ARHGAP15: variants seen among roughly 807,000 people sequenced by gnomAD.
ARHGAP15 encodes the protein Rho GTPase activating protein 15.
In ARHGAP15, 51 loss-of-function variants were observed where a neutral mutation model predicts 63.7. That is an observed-to-expected ratio of 0.80 (90% CI 0.64 to 1.01). ARHGAP15 has a LOEUF of 1.01. ARHGAP15 is among the 50% of genes least tolerant of loss of function. The pLI is 0.00. For missense variants in ARHGAP15, 560 were observed against 564.6 expected (o/e 0.99, Z 0.08); for synonymous variants, 191 against 193.8 (o/e 0.99, Z 0.12).
At chr2:143,587,631 C>T (rs751522205) in intron 11 of ARHGAP15, 1 of 424,204 alleles carries the variant, frequency 2.4e-6, no homozygotes, top group Non-Finnish European at 4.9e-6. Flanking sequence ...TGGCTTTTCC[C>T]TTCCCATAAT....
At chr2:143,377,233 A>G (rs1686855140) in intron 6 of ARHGAP15, among the ~76,000 whole-genome samples, 1 of 152,072 alleles carries the variant, frequency 6.6e-6, no homozygotes, top group Admixed American at 6.6e-5. Context: ...ATACTGTACA[A>G]GAGAATTTTT....
At chr2:143,240,212 A>T (rs1285807094) in intron 5 of ARHGAP15, among the ~76,000 whole-genome samples, 1 of 151,666 alleles carries the variant, frequency 6.6e-6, no homozygotes, top group African/African-American at 2.4e-5. Flanking sequence ...AATAAAATAA[A>T]TAATAATTTA....
chr2:143,251,359 T>C (rs778137631), intron 6 of ARHGAP15, among the ~76,000 whole-genome samples: 14 of 152,038 alleles, frequency 9.2e-5, no homozygotes, highest in Non-Finnish European at 1.9e-4. Context: ...AGATAGAGTA[T>C]AATAATTATT....
chr2:143,663,957 A>G (rs1424044859), intron 12 of ARHGAP15, among the ~76,000 whole-genome samples: 11 of 152,090 alleles, frequency 7.2e-5, no homozygotes. Flanking sequence ...CCACACATTA[A>G]TAATGGGAGA....
intron 6 of ARHGAP15, among the ~76,000 whole-genome samples, chr2:143,323,946 G>A (rs1473402012): frequency 2.0e-5 from 3 of 146,914 alleles, no homozygotes; most frequent in Non-Finnish European, 3.0e-5. Context: ...CAGACAACGG[G>A]CCATGTATCA....
chr2:143,646,136 T>G (rs967078624), intron 12 of ARHGAP15, among the ~76,000 whole-genome samples: 1 of 151,986 alleles, frequency 6.6e-6, no homozygotes, highest in Non-Finnish European at 1.5e-5. Context: ...AACAGACATG[T>G]GATGAGATAT....
chr2:143,143,692 T>C (rs1258133328), intron 1 of ARHGAP15, among the ~76,000 whole-genome samples: 2 of 151,538 alleles, frequency 1.3e-5, no homozygotes, highest in East Asian at 3.9e-4. Flanking sequence ...TAAGAGTACA[T>C]GCTAAGCCAT....
intron 6 of ARHGAP15, among the ~76,000 whole-genome samples, chr2:143,263,360 C>T (rs1410725615): frequency 6.6e-6 from 1 of 152,128 alleles, no homozygotes; most frequent in African/African-American, 2.4e-5. Context: ...AATCACTGTT[C>T]CCCCAAGGAT....
intron 13 of ARHGAP15, among the ~76,000 whole-genome samples, chr2:143,746,435 C>T (rs1411630914): frequency 6.6e-6 from 1 of 152,140 alleles, no homozygotes; most frequent in Non-Finnish European, 1.5e-5. Flanking sequence ...GAAAAAGCCT[C>T]AACATCTAAC....
At chr2:143,650,789 T>G (rs543703244) in intron 12 of ARHGAP15, among the ~76,000 whole-genome samples, 1 of 151,956 alleles carries the variant, frequency 6.6e-6, no homozygotes, top group African/African-American at 2.4e-5. Flanking sequence ...TTAACATACC[T>G]CGCTATTTGG....
intron 12 of ARHGAP15, among the ~76,000 whole-genome samples, chr2:143,635,241 C>G (rs1018961911): frequency 1.0e-5 from 1 of 97,378 alleles, no homozygotes; most frequent in Non-Finnish European, 1.8e-5. Context: ...TTTGTAAAGA[C>G]AGGGTCTCAC....
intron 6 of ARHGAP15, among the ~76,000 whole-genome samples, chr2:143,400,248 A>G (rs553634057): frequency 9.2e-5 from 14 of 152,082 alleles, no homozygotes; most frequent in Non-Finnish European, 1.8e-4. Flanking sequence ...TCATATTTTA[A>G]GGAATTTAGG....
intron 11 of ARHGAP15, among the ~76,000 whole-genome samples, chr2:143,603,970 G>A (rs1697882083): frequency 6.6e-6 from 1 of 152,154 alleles, no homozygotes; most frequent in Non-Finnish European, 1.5e-5. Flanking sequence ...TAAATATTAA[G>A]GGAGGGAAAT....
At chr2:143,415,392 A>G (rs747869769) in intron 6 of ARHGAP15, among the ~76,000 whole-genome samples, 2 of 152,202 alleles carry the variant, frequency 1.3e-5, no homozygotes, top group Non-Finnish European at 2.9e-5. Context: ...TGAAAAAAAT[A>G]TATTTGCAAG....
rs147105681 is a variant in ARHGAP15 at position 143,589,583 on chromosome 2, G to A, written c.1003+33098G>A. ...AAGTCTAGGGTTGATGGACTCTAAA[G>A]TCAATGTGCTCTTAGCCACTTTGCA... is the stretch of plus-strand genomic sequence containing the variant. On this transcript the variant is annotated intron_variant, in intron 11 of 13. Transcript: ENST00000295095. Among the ~76,000 whole-genome samples the A allele has an allele frequency of 3.2e-4, 49 of 152,296 alleles. No individual in the cohort carries two copies. In the East Asian group the frequency reaches 9.3e-3, roughly 29 times the overall value.
chr2:143,166,049 GAA>G, intron 2 of ARHGAP15, among the ~76,000 whole-genome samples: 1 of 150,986 alleles, frequency 6.6e-6, no homozygotes, highest in Non-Finnish European at 1.5e-5. Context: ...GAAAAAGAAA[GAA>G]AGAAAGAAAG....
At chr2:143,321,710 T>A (rs1312040063) in intron 6 of ARHGAP15, among the ~76,000 whole-genome samples, 2 of 152,242 alleles carry the variant, frequency 1.3e-5, no homozygotes, top group Non-Finnish European at 2.9e-5. Flanking sequence ...TTTAGTTTTG[T>A]TTTTGAGACA....
chr2:143,336,006 TTTA>T (rs138127602), intron 6 of ARHGAP15, among the ~76,000 whole-genome samples: 7,655 of 152,054 alleles, frequency 0.05, 465 homozygotes, highest in Admixed American at 0.2. Context: ...TATTTTGTAG[TTTA>T]TTTTTTTTGA....
At chr2:143,304,934 T>C (rs191919034) in intron 6 of ARHGAP15, among the ~76,000 whole-genome samples, 1 of 152,174 alleles carries the variant, frequency 6.6e-6, no homozygotes, top group Admixed American at 6.5e-5. Flanking sequence ...CTCAAGGATT[T>C]AGAACCAGAA....
Sources: allele counts gnomAD v4.1 joint callset (sites outside exome capture counted in the v4.1 genomes callset), GRCh38; gene constraint gnomAD v4.1.1; transcripts MANE v1.5; gene names NCBI Gene and HGNC (gene_info 2026-07-23, HGNC 2026-07-21).